The following COL8A2 variants were observed in gnomAD, a reference collection of about 807,000 sequenced individuals.
COL8A2 encodes the protein collagen type VIII alpha 2 chain, also known as collagen alpha-2(VIII) chain.
In COL8A2, 16 loss-of-function variants were observed where a neutral mutation model predicts 24.0. That is an observed-to-expected ratio of 0.67 (90% confidence interval 0.45 to 1.01). COL8A2 has a LOEUF of 1.01. Ranked by LOEUF, COL8A2 falls within the 50% of genes least tolerant of loss-of-function variation. COL8A2 has a pLI of 0.00. For missense variants in COL8A2, 818 were observed against 942.4 expected, an observed-to-expected ratio of 0.87 and a Z score of 1.73; for synonymous variants, 466 against 424.5, an observed-to-expected ratio of 1.10 and a Z score of -1.20.
At chr1:36,116,671 G>A (rs995278947) in intron 1 of COL8A2, among the ~76,000 whole-genome samples, 4 of 152,244 alleles carry the variant, frequency 2.6e-5, no homozygotes, top group Non-Finnish European at 5.9e-5. Flanking sequence ...CTGCAGCTGG[G>A]TCCTGAAGGA....
intron 1 of COL8A2, among the ~76,000 whole-genome samples, chr1:36,121,839 G>A (rs1053883248): frequency 1.3e-5 from 2 of 152,140 alleles, no homozygotes; most frequent in African/African-American, 2.4e-5. Context: ...CCTCTGTTTC[G>A]ATTCTGCCTC....
At position 36,099,351 on chromosome 1, in the gene COL8A2, C is replaced by A; in HGVS notation, c.330G>T (p.Gln110His). 1 of 1,581,068 alleles carries A rather than the reference C, an allele frequency of 6.3e-7. No individual in the cohort carries two copies. Among genetic ancestry groups the A allele is most frequent in the South Asian group, 1.2e-5 (1 of 86,894 alleles). The part of the protein sequence containing the change: ...PGMGKPGLHG[Q>H]PGPAGPPGFS... Reference sequence around the variant, plus strand: ...AGCCAGGGGGCCCAGCAGGGCCAGGCTGCCCATGGAGTCCTGGCTTTCCCA... The same window carrying A: ...AGCCAGGGGGCCCAGCAGGGCCAGGATGCCCATGGAGTCCTGGCTTTCCCA... Residue 110 changes from glutamine (Q) to histidine (H), a missense_variant, in exon 4 of 4, where the codon CAG (glutamine) becomes CAT (histidine). Around this residue, in one of 3 missense-constraint regions of COL8A2, gnomAD observed 573 missense variants for 616.8 expected, o/e 0.93. Coordinates refer to ENST00000397799, the MANE Select transcript of COL8A2 (RefSeq NM_005202.4).
intron 2 of COL8A2, among the ~76,000 whole-genome samples, chr1:36,107,943 T>A (rs1643783576): frequency 6.6e-6 from 1 of 152,082 alleles, no homozygotes; most frequent in African/African-American, 2.4e-5. Context: ...GTCCCCGTCA[T>A]CGCTCTTGTT....
rs1280256656 is a variant in COL8A2, at chr1:36,098,954, C to T, written c.727G>A (p.Gly243Arg). The T allele has an allele frequency of 2.5e-6, 4 of 1,608,962 alleles. No individual in the cohort carries two copies. In the South Asian group the frequency reaches 4.4e-5, roughly 18 times the overall value. ...PAGLGKPGLD[G>R]LPGAPGDKGE... ...TTGTCTCCTGGGGCCCCAGGAAGCC[C>T]ATCCAAACCAGGTTTGCCTAAGCCA... The change falls in exon 4 of 4, where the codon GGG becomes AGG. Residue 243 changes from glycine to arginine, a missense_variant. By Grantham distance (125) the Gly-to-Arg change is moderately radical. Around this residue, in one of 3 missense-constraint regions of COL8A2, gnomAD observed 573 missense variants for 616.8 expected, o/e 0.93. Transcript: ENST00000397799.
intron 2 of COL8A2, among the ~76,000 whole-genome samples, chr1:36,109,278 G>A (rs150170596): frequency 3.1e-4 from 47 of 152,306 alleles, no homozygotes; most frequent in African/African-American, 7.9e-4. Flanking sequence ...TTGCTCCCCA[G>A]CCTTGCTCTC....
intron 2 of COL8A2, among the ~76,000 whole-genome samples, chr1:36,105,674 A>C (rs960274422): frequency 6.6e-6 from 1 of 152,198 alleles, no homozygotes; most frequent in South Asian, 2.1e-4. Context: ...CTGGCCAGGC[A>C]TGGTGGCTCA....
chr1:36,102,671 G>GTT (rs71053904), intron 2 of COL8A2, among the ~76,000 whole-genome samples: 18 of 122,376 alleles, frequency 1.5e-4, no homozygotes, highest in South Asian at 5.0e-4. Flanking sequence ...CTGGTTTTTT[G>GTT]TTTTTTTTTT....
At chr1:36,120,487 C>T (rs909086201) in intron 1 of COL8A2, among the ~76,000 whole-genome samples, 11 of 151,436 alleles carry the variant, frequency 7.3e-5, no homozygotes, top group Non-Finnish European at 1.5e-4. Context: ...CAATGGCTCA[C>T]GCCTGTAACC....
At position 36,121,699 on chromosome 1, in the gene COL8A2, C is replaced by A. The variant is rs1392271363; in HGVS notation, c.-62+3358G>T. Among the ~76,000 whole-genome samples, 51 of 139,864 alleles carry A rather than the reference C, an allele frequency of 3.6e-4. 2 individuals are homozygous for A. Among genetic ancestry groups the A allele is most frequent in the Admixed American group, 3.6e-3 (46 of 12,816 alleles). 91.8% of individuals were successfully genotyped at this position (139,864 alleles called of 152,430 possible). A position where few individuals can be genotyped will look rare whatever the true frequency, so the allele number is the denominator to read the frequency against. ...TCCAGCCTGGGTGACAAGAGCCAGA[C>A]TCTGTCTCAAAAAAAATTAAAAAAA... On this transcript the variant is annotated intron_variant, in intron 1 of 3. Coordinates refer to ENST00000397799, the MANE Select transcript of COL8A2 (RefSeq NM_005202.4).
At chr1:36,124,341 T>TC (rs1643935542) in intron 1 of COL8A2, among the ~76,000 whole-genome samples, 1 of 152,156 alleles carries the variant, frequency 6.6e-6, no homozygotes. Context: ...CTGGAGGATT[T>TC]CCGGGGCTAG....
In COL8A2 at chr1:36,123,539, C is replaced by A. The variant is rs1295950920; in HGVS notation, c.-62+1518G>T. ...GAGAAAGAGACCCTGGTGAGTGTGTCTGGGTGTGAGCGTATGTGTGTGTGT... is the reference window on the plus strand; with the variant it reads ...GAGAAAGAGACCCTGGTGAGTGTGTATGGGTGTGAGCGTATGTGTGTGTGT... On this transcript the variant is annotated intron_variant, in intron 1 of 3. Transcript: ENST00000397799. The surrounding 1 kb of genome is among the most constrained non-coding windows in gnomAD (Gnocchi z 4.1). 1.3e-5 allele frequency among the ~76,000 whole-genome samples: 2 copies of A among 152,100 alleles called. No homozygotes were observed. The highest frequency in any genetic ancestry group is 1.3e-4 in the Admixed American group (2 of 15,272).
In COL8A2 at chr1:36,115,631, G is replaced by T; in HGVS notation, c.-17+77C>A. ...GGGGCTTCCGGTGCAGCAGGAGGGA[G>T]TGAGGTTAGACAGCAATGAACACAG... is the stretch of plus-strand genomic sequence containing the variant. On this transcript the variant is annotated intron_variant, in intron 2 of 3. Transcript: ENST00000397799. The surrounding 1 kb of genome is among the most constrained non-coding windows in gnomAD (Gnocchi z 5.7). 2 of 839,558 alleles carry T rather than the reference G, an allele frequency of 2.4e-6. No homozygotes were observed. The highest frequency in any genetic ancestry group is 2.9e-6 in the Non-Finnish European group (2 of 696,944). The allele number at this position is 839,558 out of a possible 1,614,324, so 52.0% of individuals were successfully genotyped here. A position where few individuals can be genotyped will look rare whatever the true frequency, so the allele number is the denominator to read the frequency against.
intron 1 of COL8A2, among the ~76,000 whole-genome samples, chr1:36,118,864 C>A (rs1037101376): frequency 6.6e-6 from 1 of 152,228 alleles, no homozygotes; most frequent in Admixed American, 6.5e-5. Context: ...CTACTACGGG[C>A]AGGCTCTGGA....
chr1:36,114,217 G>T (rs1021005482), intron 2 of COL8A2, among the ~76,000 whole-genome samples: 3 of 151,534 alleles, frequency 2.0e-5, no homozygotes, highest in Admixed American at 6.6e-5. Flanking sequence ...TACTCGGGAG[G>T]CTGAGGAAGG....
chr1:36,123,920 A>G lies in COL8A2; in HGVS notation c.-62+1137T>C. ...CCATGGTGTCTCTCCAGAGATCACC[A>G]ACTCCTGCCCTGCGGCCCCCTCTGC... On this transcript the variant is annotated intron_variant, in intron 1 of 3. Transcript: ENST00000397799. This position sits in a 1 kb window ranked among gnomAD's most constrained non-coding sequence, Gnocchi z 4.1. 6.6e-6 allele frequency among the ~76,000 whole-genome samples: 1 copy of G among 152,072 alleles called. No individual in the cohort carries two copies. The highest frequency in any genetic ancestry group is 6.5e-5 in the Admixed American group (1 of 15,276).
Position 36,099,194 on chromosome 1 carries a change from G to C in COL8A2, c.487C>G (p.Leu163Val). ...ATAGTAATGCCTGAGGGGCCCGGGA[G>C]GCCAGGGGGTCCTGGGGGTCCCCGG... Reference protein sequence around the residue: ...GLRGPPGPPGLPGPSGITIPG... With the variant: ...GLRGPPGPPGVPGPSGITIPG... Residue 163 changes from leucine to valine, a missense_variant, in exon 4 of 4, where the codon CTC becomes GTC. Physicochemically the swap from Leu to Val is conservative, Grantham distance 32 (BLOSUM62 1). This residue lies in a region of COL8A2 where 573 missense variants were observed against 616.8 expected (regional missense o/e 0.93). Coordinates refer to ENST00000397799, the MANE Select transcript of COL8A2 (RefSeq NM_005202.4). 4 of 1,519,062 alleles carry C rather than the reference G, an allele frequency of 2.6e-6. No individual in the cohort carries two copies. The highest frequency in any genetic ancestry group is 3.5e-6 in the Non-Finnish European group (4 of 1,131,854). The allele number at this position is 1,519,062 out of a possible 1,614,324, so 94.1% of individuals were successfully genotyped here. A position where few individuals can be genotyped will look rare whatever the true frequency, so the allele number is the denominator to read the frequency against.
intron 2 of COL8A2, among the ~76,000 whole-genome samples, chr1:36,103,639 A>T (rs113813549): frequency 0.089 from 13,513 of 151,308 alleles, 714 homozygotes; most frequent in Middle Eastern, 0.13. Flanking sequence ...GAGTGCAATG[A>T]ATGGCACAAT....
At chr1:36,121,105 A>G (rs1238593786) in intron 1 of COL8A2, among the ~76,000 whole-genome samples, 13 of 145,638 alleles carry the variant, frequency 8.9e-5, no homozygotes, top group African/African-American at 3.4e-4. Flanking sequence ...AAAAAAAAAG[A>G]CCAGGCATGG....
At chr1:36,103,558 G>A (rs1006980518) in intron 2 of COL8A2, among the ~76,000 whole-genome samples, 2 of 151,482 alleles carry the variant, frequency 1.3e-5, no homozygotes, top group African/African-American at 2.4e-5. Context: ...CAGGCGTGAG[G>A]CCCACATCTG....
Sources: allele counts gnomAD v4.1 joint callset (sites outside exome capture counted in the v4.1 genomes callset), GRCh38; gene constraint gnomAD v4.1.1; regional missense constraint gnomAD v4.1.1; non-coding constraint Gnocchi (gnomAD v3.1); transcripts MANE v1.5; gene names NCBI Gene and HGNC (gene_info 2026-07-23, HGNC 2026-07-21).